The following TJP2 variants were observed in gnomAD, a reference collection of about 807,000 sequenced individuals.
TJP2 encodes the protein tight junction protein 2.
Under a neutral mutation model 133.1 loss-of-function variants are expected in TJP2, and 91 were observed. The ratio of observed to expected loss-of-function variants is 0.68; its 90% CI spans 0.58 to 0.81. TJP2 has a LOEUF of 0.81. Among genes scored for constraint, TJP2 ranks in the 40% least tolerant of loss-of-function variants. TJP2 has a pLI of 0.00. For synonymous variants in TJP2, 592 were observed against 583.4 expected (o/e 1.01, Z -0.21); for missense variants, 1,541 against 1,565.6 (o/e 0.98, Z 0.26).
chr9:69,248,630 C>G (rs530435650), intron 19 of TJP2: 2 of 1,096,222 alleles, frequency 1.8e-6, no homozygotes, highest in African/African-American at 1.6e-5. Flanking sequence ...TTTAACCTTT[C>G]TAATCTTGCC....
intron 1 of TJP2, chr9:69,151,648 C>G (rs1004195157): frequency 1.6e-6 from 2 of 1,232,080 alleles, no homozygotes; most frequent in African/African-American, 3.1e-5. Context: ...CTGTCTTTTC[C>G]AGGGTGCGAA....
At chr9:69,174,190 G>T, upstream of TJP2, 3 of 1,385,766 alleles carry the variant, frequency 2.2e-6, no homozygotes, top group African/African-American at 1.5e-5. Flanking sequence ...TCGGGTCGGG[G>T]GCGGGCTGAC....
intron 1 of TJP2, among the ~76,000 whole-genome samples, chr9:69,199,694 T>TA (rs1319121198): frequency 6.6e-6 from 1 of 152,240 alleles, no homozygotes; most frequent in East Asian, 1.9e-4. Flanking sequence ...CCCTCTGTCT[T>TA]ACTTTGTCTT....
chr9:69,249,592 G>A (rs1252661497), intron 20 of TJP2, 107 bp downstream of exon 20: 10 of 1,544,092 alleles, frequency 6.5e-6, no homozygotes, highest in Admixed American at 5.9e-5. Context: ...GTTTAATTAC[G>A]GTTCTGACTC....
chr9:69,181,207 C>T (rs1825473960), intron 1 of TJP2, among the ~76,000 whole-genome samples: 1 of 144,396 alleles, frequency 6.9e-6, no homozygotes, highest in African/African-American at 2.6e-5. Flanking sequence ...AGCTGGGTGG[C>T]TTTTGCTGTC....
rs1161231535 is a variant in TJP2 at position 69,254,215 on chromosome 9, AC to A, written c.3419del (p.Pro1140LeufsTer68). The A allele has an allele frequency of 6.2e-7, 1 of 1,613,654 alleles. No individual in the cohort carries two copies. The highest frequency in any genetic ancestry group is 1.3e-5 in the African/African-American group (1 of 74,746). ...AACACCCTTTTTTTGTTAGTTCCAG[AC>A]CCCCTGAGCCACAGAAAGCTCCTTC... ...PGTPQHTSSR[P>X]PEPQKAPSRP... is the part of the protein sequence containing the mutation. On this transcript the variant is annotated frameshift_variant, in exon 23 of 23. Transcript: ENST00000377245. LOFTEE classifies it high-confidence loss of function.
At chr9:69,223,069 GAAAAAAAAA>G (rs57114714) in intron 5 of TJP2, among the ~76,000 whole-genome samples, 33 of 114,100 alleles carry the variant, frequency 2.9e-4, no homozygotes, top group Admixed American at 6.3e-4. Flanking sequence ...ACTCTGTCTT[GAAAAAAAAA>G]AAAAAAAAAA....
intron 1 of TJP2, among the ~76,000 whole-genome samples, chr9:69,202,745 C>T (rs913093214): frequency 6.6e-6 from 1 of 151,722 alleles, no homozygotes; most frequent in African/African-American, 2.4e-5. Context: ...TGTGCCCAGG[C>T]GGCAGAGGCG....
intron 7 of TJP2, among the ~76,000 whole-genome samples, chr9:69,227,052 A>G (rs1474842522): frequency 6.6e-6 from 1 of 152,254 alleles, no homozygotes; most frequent in African/African-American, 2.4e-5. Context: ...ATTCTACTGA[A>G]CCATCTACTG....
intron 2 of TJP2, among the ~76,000 whole-genome samples, chr9:69,169,214 A>G (rs1302482171): frequency 1.3e-5 from 2 of 152,130 alleles, no homozygotes; most frequent in Admixed American, 6.5e-5. Context: ...CCTTTTATAA[A>G]TTGTCATTAT....
At chr9:69,140,998 CA>C in intron 1 of TJP2, among the ~76,000 whole-genome samples, 1 of 152,296 alleles carries the variant, frequency 6.6e-6, no homozygotes, top group East Asian at 1.9e-4. Flanking sequence ...AGGCGTGCAC[CA>C]CCATACCCAG....
chr9:69,240,695 C>T (rs1193099976), intron 17 of TJP2, among the ~76,000 whole-genome samples: 1 of 151,974 alleles, frequency 6.6e-6, no homozygotes, highest in Non-Finnish European at 1.5e-5. Flanking sequence ...GTGGTGCATG[C>T]CTATGGCTGA....
Position 69,248,052 on chromosome 9 carries a change from A to C in TJP2, c.2708A>C (p.Tyr903Ser), listed in dbSNP as rs775354216. The change falls in exon 19 of 23, where the codon TAC (tyrosine) becomes TCC (serine). Residue 903 changes from tyrosine to serine, a missense_variant. Tyr to Ser is a moderately radical substitution (Grantham distance 144). Transcript: ENST00000377245. ...MDDDPEDRMS[Y>S]LTAMGADYLS... ...GATGACCCCGAAGACCGCATGTCCT[A>C]CTTAACCGCCATGGGCGCGGACTAT... is the stretch of plus-strand genomic sequence containing the variant. 2.3e-5 allele frequency: 37 copies of C among 1,613,712 alleles called. No individual in the cohort carries two copies. The highest frequency in any genetic ancestry group is 3.1e-5 in the Non-Finnish European group (36 of 1,179,800).
At chr9:69,133,708 G>A (rs188075534) in intron 1 of TJP2, among the ~76,000 whole-genome samples, 1 of 151,880 alleles carries the variant, frequency 6.6e-6, no homozygotes, top group East Asian at 1.9e-4. Context: ...GCACCATCAT[G>A]CCCAGCTAAG....
At chr9:69,192,038 G>C (rs1256573097) in intron 1 of TJP2, among the ~76,000 whole-genome samples, 6 of 151,850 alleles carry the variant, frequency 4.0e-5, no homozygotes, top group Non-Finnish European at 7.4e-5. Flanking sequence ...ATGCCCAGCC[G>C]TATGTTTTAA....
intron 17 of TJP2, among the ~76,000 whole-genome samples, chr9:69,240,563 G>A (rs538472142): frequency 6.6e-6 from 1 of 152,314 alleles, no homozygotes; most frequent in Non-Finnish European, 1.5e-5. Context: ...CCAGCATGGT[G>A]GATAACACTT....
rs1378281160 is a variant in TJP2 at position 69,124,381 on chromosome 9, A to G, written c.-131+2656A>G. Among the ~76,000 whole-genome samples, 3 of 75,930 alleles carry G rather than the reference A, an allele frequency of 4.0e-5. 1 individual carries two copies. Among genetic ancestry groups the G allele is most frequent in the East Asian group, 8.0e-4 (2 of 2,508 alleles). The allele number at this position is 75,930 out of a possible 152,430, so 49.8% of individuals were successfully genotyped here. ...GTAGAGGCTAGTTTAAATTATTATT[A>G]TTATTTTTTTCTGTAGATTGGGTTC... On this transcript the variant is annotated intron_variant, in intron 1 of 5. Transcript: ENST00000423935.
intron 2 of TJP2, among the ~76,000 whole-genome samples, chr9:69,213,306 A>G (rs1246836896): frequency 6.6e-6 from 1 of 151,966 alleles, no homozygotes; most frequent in Non-Finnish European, 1.5e-5. Flanking sequence ...CAGGTGATCC[A>G]CCCACCTTGG....
chr9:69,127,404 A>C (rs1247596701), intron 1 of TJP2, among the ~76,000 whole-genome samples: 1 of 75,944 alleles, frequency 1.3e-5, no homozygotes, highest in Non-Finnish European at 3.0e-5. Context: ...AAACTTTAAA[A>C]ATTAGCTGGG....
Sources: gnomAD v4.1 joint callset for allele counts (sites outside exome capture counted in the v4.1 genomes callset) on GRCh38, gnomAD v4.1.1 for gene constraint, MANE v1.5 for transcripts, NCBI Gene and HGNC (gene_info 2026-07-23, HGNC 2026-07-21) for gene names.